The following KANK1 variants were observed in gnomAD, a reference collection of about 807,000 sequenced individuals.
KANK1 encodes KN motif and ankyrin repeat domains 1, also known as KN motif and ankyrin repeat domain-containing protein 1.
A neutral mutation model predicts 106.2 loss-of-function variants in KANK1; 109 were observed. That is an observed-to-expected ratio of 1.03 (90% CI 0.88 to 1.20). The LOEUF is 1.20. Among genes scored for constraint, KANK1 ranks in the 50% most tolerant of loss-of-function variants. The pLI is 0.00. For synonymous variants in KANK1, 873 were observed against 652.2 expected (o/e 1.34, Z -5.16); for missense variants, 2,399 against 1,710.7 (o/e 1.40, Z -7.10).
intron 1 of KANK1, among the ~76,000 whole-genome samples, chr9:515,084 C>T (rs185352640): frequency 1.8e-4 from 28 of 151,912 alleles, no homozygotes; most frequent in Non-Finnish European, 3.7e-4. Context: ...TGGCTCACGC[C>T]TGTAATCCCA....
At chr9:651,492 G>A (rs1840869540) in intron 1 of KANK1, among the ~76,000 whole-genome samples, 1 of 151,676 alleles carries the variant, frequency 6.6e-6, no homozygotes, top group African/African-American at 2.4e-5. Context: ...TGCATGTGTT[G>A]GGTGTATGTG....
At chr9:580,538 A>C (rs1821804095) in intron 1 of KANK1, among the ~76,000 whole-genome samples, 1 of 152,196 alleles carries the variant, frequency 6.6e-6, no homozygotes, top group African/African-American at 2.4e-5. Flanking sequence ...CCTGAGCTAG[A>C]CGCAAAAGTT....
chr9:716,943 A>C (rs1484839228), intron 3 of KANK1, among the ~76,000 whole-genome samples: 1 of 150,602 alleles, frequency 6.6e-6, no homozygotes, highest in Non-Finnish European at 1.5e-5. Flanking sequence ...TGATCACACC[A>C]CTACACTCCA....
At chr9:588,326 T>A (rs557248425) in intron 1 of KANK1, among the ~76,000 whole-genome samples, 1 of 152,364 alleles carries the variant, frequency 6.6e-6, no homozygotes, top group Non-Finnish European at 1.5e-5. Context: ...TATTGTTTCT[T>A]GTTATTTACT....
intron 1 of KANK1, among the ~76,000 whole-genome samples, chr9:639,218 C>G (rs1376879754): frequency 6.6e-6 from 1 of 152,124 alleles, no homozygotes; most frequent in South Asian, 2.1e-4. Flanking sequence ...AAATATACAC[C>G]TTCCCTTTAA....
intron 1 of KANK1, among the ~76,000 whole-genome samples, chr9:572,628 C>T (rs2134913379): frequency 6.6e-6 from 1 of 152,174 alleles, no homozygotes; most frequent in African/African-American, 2.4e-5. Context: ...TGGCCTCAGG[C>T]AATCCTCCTG....
intron 3 of KANK1, among the ~76,000 whole-genome samples, chr9:488,032 C>G (rs893030930): frequency 1.4e-4 from 22 of 152,228 alleles, no homozygotes; most frequent in African/African-American, 5.1e-4. Context: ...ATAGGCCCCA[C>G]CTTCCCAAGC....
intron 1 of KANK1, among the ~76,000 whole-genome samples, chr9:658,253 A>G (rs1842563528): frequency 6.6e-6 from 1 of 152,056 alleles, no homozygotes; most frequent in Non-Finnish European, 1.5e-5. Context: ...AAATAAGATC[A>G]TTTATTTTAT....
At chr9:535,116 G>A (rs937068732) in intron 1 of KANK1, among the ~76,000 whole-genome samples, 1 of 152,174 alleles carries the variant, frequency 6.6e-6, no homozygotes, top group Non-Finnish European at 1.5e-5. Context: ...AGACTGCAGT[G>A]GGCAAGTTTC....
Position 598,615 on chromosome 9 carries a change from G to GTTTTTTTTTT in KANK1, c.-83-78271_-83-78270insTTTTTTTTTT, listed in dbSNP as rs1306483082. Reference sequence around the variant, plus strand: ...TAGGTTTTTTTGTTTTGTTTTGTTGGTTTTCTTTTTTTTTTTTTTTTTTTT... The same window carrying GTTTTTTTTTT: ...TAGGTTTTTTTGTTTTGTTTTGTTGGTTTTTTTTTTTTTTCTTTTTTTTTTTTTTTTTTTT... On this transcript the variant is annotated intron_variant, in intron 1 of 11. Transcript: ENST00000382297. 2.2e-4 allele frequency among the ~76,000 whole-genome samples: 16 copies of GTTTTTTTTTT among 73,324 alleles called. No individual in the cohort carries two copies. In the East Asian group the frequency reaches 3.5e-3, roughly 16 times the overall value. 48.1% of individuals were successfully genotyped at this position (73,324 alleles called of 152,430 possible). A position where few individuals can be genotyped will look rare whatever the true frequency, so the allele number is the denominator to read the frequency against.
intron 1 of KANK1, among the ~76,000 whole-genome samples, chr9:532,364 CTTTT>C (rs1187078952): frequency 6.7e-4 from 55 of 81,858 alleles, no homozygotes; most frequent in Middle Eastern, 9.1e-3. Context: ...GCCTCAAGCA[CTTTT>C]TTTTTTTTTT....
intron 3 of KANK1, among the ~76,000 whole-genome samples, chr9:728,437 A>T (rs931967518): frequency 3.8e-4 from 57 of 151,810 alleles, no homozygotes; most frequent in African/African-American, 1.3e-3. Flanking sequence ...ACCTCAGGTG[A>T]TCCACCTGCC....
intron 1 of KANK1, among the ~76,000 whole-genome samples, chr9:645,126 CAAAAAAAAAA>C (rs56391632): frequency 1.4e-5 from 1 of 71,126 alleles, no homozygotes; most frequent in Non-Finnish European, 2.5e-5. Flanking sequence ...TCCATCTCTA[CAAAAAAAAAA>C]AAAAAAAAAA....
chr9:502,025 G>A (rs146997072), upstream of KANK1, among the ~76,000 whole-genome samples: 999 of 152,298 alleles, frequency 6.6e-3, 14 homozygotes, highest in African/African-American at 0.023. Flanking sequence ...GTAGGGGGAG[G>A]AAGAAAGTAC....
At chr9:603,644 G>T (rs1026070706) in intron 1 of KANK1, among the ~76,000 whole-genome samples, 1 of 151,416 alleles carries the variant, frequency 6.6e-6, no homozygotes, top group South Asian at 2.1e-4. Context: ...TAATATACTC[G>T]TTTGAATTTT....
chr9:740,433 C>G (rs1405719837), intron 8 of KANK1, among the ~76,000 whole-genome samples: 1 of 152,230 alleles, frequency 6.6e-6, no homozygotes, highest in Non-Finnish European at 1.5e-5. Context: ...ACCTGCTTCA[C>G]TTTCCTAAAC....
At chr9:581,953 G>T (rs1433598903) in intron 1 of KANK1, among the ~76,000 whole-genome samples, 1 of 152,178 alleles carries the variant, frequency 6.6e-6, no homozygotes, top group African/African-American at 2.4e-5. Context: ...TCCCTTAAGT[G>T]TGAGAGATCT....
chr9:677,360 T>G (rs1435959992), intron 2 of KANK1, among the ~76,000 whole-genome samples: 1 of 152,184 alleles, frequency 6.6e-6, no homozygotes, highest in African/African-American at 2.4e-5. Flanking sequence ...TTTGGATGCT[T>G]AAAACCAATT....
At chr9:672,982 A>G (rs1259857677) in intron 1 of KANK1, among the ~76,000 whole-genome samples, 1 of 152,134 alleles carries the variant, frequency 6.6e-6, no homozygotes, top group African/African-American at 2.4e-5. Flanking sequence ...AAAAGAAGCA[A>G]TTTATTGATC....
Sources: gnomAD v4.1 joint callset for allele counts (sites outside exome capture counted in the v4.1 genomes callset) on GRCh38, gnomAD v4.1.1 for gene constraint, MANE v1.5 for transcripts, NCBI Gene and HGNC (gene_info 2026-07-23, HGNC 2026-07-21) for gene names.